PLCH1: variants seen among roughly 807,000 people sequenced by gnomAD.
The protein encoded by PLCH1 is 1-phosphatidylinositol 4,5-bisphosphate phosphodiesterase eta-1.
In PLCH1, 60 loss-of-function variants were observed where a neutral mutation model predicts 126.7. The observed-to-expected ratio is 0.47, with a 90% CI of 0.38 to 0.59. The LOEUF is 0.59. PLCH1 is among the 20% of genes least tolerant of loss of function. The pLI is 0.00. For synonymous variants in PLCH1, 719 were observed against 734.9 expected (o/e 0.98, Z 0.35); for missense variants, 1,723 against 2,040.0 (o/e 0.84, Z 2.99).
chr3:155,492,753 G>A lies in PLCH1; in HGVS notation c.2283C>T (p.Asp761=). 1.9e-6 allele frequency: 3 copies of A among 1,598,598 alleles called. No individual in the cohort carries two copies. The highest frequency in any genetic ancestry group is 1.7e-6 in the Non-Finnish European group (2 of 1,173,342). ...CCTCGCCTCGATCTCCAAACATGGA[G>A]TCTGGAGGTTTGGGGAGTTGCTGTC... ...ISGQQLPKPP[D]SMFGDRGEII... The change falls in exon 18 of 23, where the codon GAC becomes GAT. Residue 761 remains aspartate (D), a synonymous_variant. Transcript: ENST00000460012.
chr3:155,656,414 C>T (rs960100278), intron 2 of PLCH1, among the ~76,000 whole-genome samples: 1 of 152,074 alleles, frequency 6.6e-6, no homozygotes, highest in Admixed American at 6.6e-5. Flanking sequence ...AATATTTACA[C>T]ACATATAAAA....
At chr3:155,606,366 G>C (rs1249409032) in intron 2 of PLCH1, among the ~76,000 whole-genome samples, 2 of 152,180 alleles carry the variant, frequency 1.3e-5, no homozygotes, top group Non-Finnish European at 2.9e-5. Flanking sequence ...TAAATGGACA[G>C]ATCTGCTCAA....
intron 2 of PLCH1, among the ~76,000 whole-genome samples, chr3:155,683,247 G>A (rs182782822): frequency 6.6e-6 from 1 of 152,050 alleles, no homozygotes. Context: ...TCTCCCCTTC[G>A]AGACTCTTGG....
At chr3:155,690,095 G>A (rs1745263055) in intron 2 of PLCH1, among the ~76,000 whole-genome samples, 1 of 151,656 alleles carries the variant, frequency 6.6e-6, no homozygotes, top group South Asian at 2.1e-4. Context: ...AATACGTCTT[G>A]CAGCAGACTT....
chr3:155,470,778 T>C (rs1418275153), intron 21 of PLCH1, among the ~76,000 whole-genome samples: 2 of 151,980 alleles, frequency 1.3e-5, no homozygotes, highest in Admixed American at 1.3e-4. Context: ...TATTCAACAT[T>C]CTTAAAGAAA....
chr3:155,551,841 G>A (rs1289052833), intron 9 of PLCH1, among the ~76,000 whole-genome samples: 1 of 152,154 alleles, frequency 6.6e-6, no homozygotes, highest in African/African-American at 2.4e-5. Flanking sequence ...CTTTTAATTT[G>A]AAGTGCTTTT....
At chr3:155,625,047 A>G (rs765712458) in intron 2 of PLCH1, among the ~76,000 whole-genome samples, 1 of 152,224 alleles carries the variant, frequency 6.6e-6, no homozygotes, top group African/African-American at 2.4e-5. Flanking sequence ...AAACAGATAT[A>G]TAGACCAATG....
At chr3:155,682,608 T>C (rs1239700367) in intron 2 of PLCH1, among the ~76,000 whole-genome samples, 1 of 152,194 alleles carries the variant, frequency 6.6e-6, no homozygotes, top group Non-Finnish European at 1.5e-5. Flanking sequence ...GGCAGAATTA[T>C]CATTCTGCAT....
chr3:155,680,440 T>C (rs1253042853), intron 2 of PLCH1, among the ~76,000 whole-genome samples: 1 of 152,070 alleles, frequency 6.6e-6, no homozygotes, highest in Non-Finnish European at 1.5e-5. Context: ...ATTCACAGTT[T>C]TCATCACAAA....
chr3:155,467,002 T>C (rs1363216129), intron 21 of PLCH1, among the ~76,000 whole-genome samples: 1 of 151,874 alleles, frequency 6.6e-6, no homozygotes. Flanking sequence ...ATCTAGAAAA[T>C]AGCCTCAAAA....
At chr3:155,545,656 C>T (rs1441765318) in intron 10 of PLCH1, among the ~76,000 whole-genome samples, 4 of 152,082 alleles carry the variant, frequency 2.6e-5, no homozygotes, top group Non-Finnish European at 4.4e-5. Context: ...ACTGGCAAAC[C>T]GAATCCAGCA....
chr3:155,720,636 T>C (rs1747882535), intron 1 of PLCH1, among the ~76,000 whole-genome samples: 1 of 152,208 alleles, frequency 6.6e-6, no homozygotes, highest in Non-Finnish European at 1.5e-5. Flanking sequence ...TTGTCAGAGA[T>C]ATAGATTGTG....
At chr3:155,744,660 G>A (rs1749859730) in intron 1 of PLCH1, among the ~76,000 whole-genome samples, 180 bp downstream of exon 1, 1 of 152,144 alleles carries the variant, frequency 6.6e-6, no homozygotes, top group Non-Finnish European at 1.5e-5. Context: ...TCCCCGCACG[G>A]GGCCTTAGGG....
At chr3:155,548,296 G>A (rs1043971488) in intron 10 of PLCH1, among the ~76,000 whole-genome samples, 3 of 152,150 alleles carry the variant, frequency 2.0e-5, no homozygotes, top group South Asian at 2.1e-4. Context: ...GCGCTGGTCC[G>A]CAGATCCAGG....
At chr3:155,542,690 C>T (rs899310314) in intron 10 of PLCH1, among the ~76,000 whole-genome samples, 1 of 152,228 alleles carries the variant, frequency 6.6e-6, no homozygotes, top group South Asian at 2.1e-4. Context: ...TGAGACAAAA[C>T]TTCCAGAGAA....
intron 2 of PLCH1, among the ~76,000 whole-genome samples, chr3:155,622,136 C>T (rs573637665): frequency 3.8e-4 from 58 of 152,278 alleles, no homozygotes; most frequent in African/African-American, 1.2e-3. Flanking sequence ...AATTTTCAAT[C>T]CAGAATTTCC....
intron 12 of PLCH1, among the ~76,000 whole-genome samples, chr3:155,506,755 T>A (rs1235143843): frequency 7.6e-5 from 11 of 145,516 alleles, no homozygotes; most frequent in Non-Finnish European, 1.5e-4. Context: ...TCTATCATTG[T>A]TGGATATTTG....
chr3:155,735,713 G>A (rs1749132891), intron 1 of PLCH1, among the ~76,000 whole-genome samples: 1 of 151,596 alleles, frequency 6.6e-6, no homozygotes, highest in Admixed American at 6.6e-5. Flanking sequence ...AAGTATGTGA[G>A]GTATTACATA....
At chr3:155,622,551 T>C (rs1339259290) in intron 2 of PLCH1, among the ~76,000 whole-genome samples, 1 of 142,452 alleles carries the variant, frequency 7.0e-6, no homozygotes, top group Non-Finnish European at 1.5e-5. Flanking sequence ...AGGCTCAAAA[T>C]AAAGAAATGG....
Sources: allele counts gnomAD v4.1 joint callset (sites outside exome capture counted in the v4.1 genomes callset), GRCh38; gene constraint gnomAD v4.1.1; transcripts MANE v1.5; gene names NCBI Gene and HGNC (gene_info 2026-07-23, HGNC 2026-07-21).